Variants in ROR2 observed in about 807,000 individuals in gnomAD.
ROR2 encodes tyrosine-protein kinase transmembrane receptor ROR2.
ROR2 carries 33 observed loss-of-function variants against 74.9 expected under a neutral mutation model. That is an observed-to-expected ratio of 0.44 (90% CI 0.33 to 0.59). The LOEUF is 0.59. Among genes scored for constraint, ROR2 ranks in the 20% least tolerant of loss-of-function variants. The pLI, the probability that ROR2 is intolerant of heterozygous loss-of-function variation, is 0.02. For synonymous variants in ROR2, 586 were observed against 558.7 expected (o/e 1.05, Z -0.69); for missense variants, 1,216 against 1,313.8 (o/e 0.93, Z 1.15).
Position 91,950,181 on chromosome 9 carries a change from G to A in ROR2, c.-218C>T, listed in dbSNP as rs1832137998. Reference sequence around the variant, plus strand: ...GCTGGCTGGGGAGGTTCCTTGGCGCGGGCTGGGGCGTCCCGCCGGCCGCCA... The same window carrying A: ...GCTGGCTGGGGAGGTTCCTTGGCGCAGGCTGGGGCGTCCCGCCGGCCGCCA... On this transcript the variant is annotated 5_prime_UTR_variant, in exon 1 of 9. Coordinates refer to ENST00000375708, the MANE Select transcript of ROR2 (RefSeq NM_004560.4). 1 of 309,982 alleles carries A rather than the reference G, an allele frequency of 3.2e-6. No homozygotes were observed. The highest frequency in any genetic ancestry group is 1.3e-4 in the South Asian group (1 of 7,440). The allele number at this position is 309,982 out of a possible 1,614,324, so 19.2% of individuals were successfully genotyped here. A position where few individuals can be genotyped will look rare whatever the true frequency, so the allele number is the denominator to read the frequency against.
intron 4 of ROR2, among the ~76,000 whole-genome samples, chr9:91,747,869 C>T (rs547235382): frequency 1.3e-5 from 2 of 152,226 alleles, no homozygotes; most frequent in Admixed American, 1.3e-4. Context: ...AAAGGATGTC[C>T]TCGTGTGGAA....
intron 1 of ROR2, among the ~76,000 whole-genome samples, chr9:91,918,932 C>T (rs1831203034): frequency 6.6e-6 from 1 of 152,158 alleles, no homozygotes; most frequent in African/African-American, 2.4e-5. Flanking sequence ...CCCCCAACCC[C>T]TGTCCTTGTC....
intron 1 of ROR2, among the ~76,000 whole-genome samples, chr9:91,909,852 T>TG (rs1554691404): frequency 8.7e-4 from 97 of 111,502 alleles, no homozygotes; most frequent in African/African-American, 3.7e-3. Context: ...GTTTTGTTTT[T>TG]TTTTTTTTTT....
intron 1 of ROR2, among the ~76,000 whole-genome samples, chr9:91,891,856 T>A (rs142697293): frequency 1.4e-3 from 213 of 152,058 alleles, no homozygotes; most frequent in African/African-American, 4.9e-3. Context: ...AAGACCAGCC[T>A]GGCCAATATG....
At position 91,723,674 on chromosome 9, in the gene ROR2, C is replaced by G. The variant is rs113793278; in HGVS notation, c.2820G>C (p.Gln940His). 8.7e-6 allele frequency: 14 copies of G among 1,613,846 alleles called. No homozygotes were observed. The African/African-American group carries it at 1.1e-4, about 12-fold the overall frequency. The change falls in exon 9 of 9, where the codon CAG (glutamine) becomes CAC (histidine). Residue 940 changes from glutamine (Q) to histidine (H), a missense_variant. Gln to His is a conservative substitution (Grantham distance 24). Transcript: ENST00000375708. ...DTLQVDEAQV[Q>H]LEA Reference sequence around the variant, plus strand: ...GCCCTGGTGCCACTCAAGCTTCCAGCTGGACTTGGGCCTCGTCCACCTGCA... The same window carrying G: ...GCCCTGGTGCCACTCAAGCTTCCAGGTGGACTTGGGCCTCGTCCACCTGCA...
intron 1 of ROR2, among the ~76,000 whole-genome samples, chr9:91,848,621 G>A (rs948617048): frequency 3.3e-5 from 5 of 152,132 alleles, no homozygotes; most frequent in Non-Finnish European, 7.4e-5. Flanking sequence ...AGGTGTGGTG[G>A]TGCATGCCCA....
At chr9:91,818,431 A>C (rs1372501306) in intron 1 of ROR2, among the ~76,000 whole-genome samples, 2 of 150,644 alleles carry the variant, frequency 1.3e-5, no homozygotes, top group African/African-American at 2.4e-5. Flanking sequence ...CTCCACCACA[A>C]CCACCAACTC....
intron 1 of ROR2, among the ~76,000 whole-genome samples, chr9:91,834,075 A>G (rs969984317): frequency 1.1e-4 from 17 of 152,136 alleles, no homozygotes; most frequent in African/African-American, 3.6e-4. Flanking sequence ...CAGCTGACAA[A>G]TGGAAAGTAA....
At chr9:91,878,793 G>T (rs192068785) in intron 1 of ROR2, among the ~76,000 whole-genome samples, 1 of 152,268 alleles carries the variant, frequency 6.6e-6, no homozygotes, top group East Asian at 1.9e-4. Context: ...AAACAAAGAC[G>T]GGGGCCGGGC....
intron 1 of ROR2, among the ~76,000 whole-genome samples, chr9:91,926,137 T>C (rs1831389266): frequency 6.6e-6 from 1 of 151,700 alleles, no homozygotes; most frequent in South Asian, 2.1e-4. Context: ...ATCCCAGCAC[T>C]TTGGGAGGCC....
intron 1 of ROR2, among the ~76,000 whole-genome samples, chr9:91,901,581 T>C (rs1830677365): frequency 6.6e-6 from 1 of 152,086 alleles, no homozygotes; most frequent in Non-Finnish European, 1.5e-5. Flanking sequence ...TTCGGGAGGC[T>C]AAGGCAGGCG....
intron 1 of ROR2, among the ~76,000 whole-genome samples, chr9:91,919,463 A>T (rs190973141): frequency 3.9e-5 from 6 of 152,376 alleles, no homozygotes; most frequent in African/African-American, 1.4e-4. Context: ...GTCTCCGAGC[A>T]CTGGACCATC....
rs796976425 is a variant in ROR2, at chr9:91,734,375, C to T, written c.623-939G>A. ...ACCCAGCAGAGGCTGTGTCCTCCAG[C>T]GTGGCAGAAAACCCAGAAGCTGGCA... On this transcript the variant is annotated intron_variant, in intron 5 of 8. Coordinates refer to ENST00000375708, the MANE Select transcript of ROR2 (RefSeq NM_004560.4). Among the ~76,000 whole-genome samples, 12 of 152,306 alleles carry T rather than the reference C, an allele frequency of 7.9e-5. No homozygotes were observed. The East Asian group carries it at 1.5e-3, about 20-fold the overall frequency.
intron 1 of ROR2, among the ~76,000 whole-genome samples, chr9:91,841,057 T>C (rs1828768464): frequency 6.6e-6 from 1 of 152,232 alleles, no homozygotes; most frequent in Non-Finnish European, 1.5e-5. Context: ...AATCATAGAC[T>C]GAAACAGGCA....
intron 1 of ROR2, among the ~76,000 whole-genome samples, chr9:91,894,416 G>A (rs1371486527): frequency 6.6e-6 from 1 of 152,156 alleles, no homozygotes; most frequent in East Asian, 1.9e-4. Flanking sequence ...AACTTTAAGG[G>A]GAAGGGAGCA....
intron 1 of ROR2, among the ~76,000 whole-genome samples, chr9:91,782,285 A>G (rs1826644233): frequency 6.6e-6 from 1 of 152,188 alleles, no homozygotes; most frequent in Non-Finnish European, 1.5e-5. Flanking sequence ...GTATCTTTTC[A>G]TCTAGTTTCA....
chr9:91,829,572 A>AAAAAAAAAAAAAC (rs1828398366), intron 1 of ROR2, among the ~76,000 whole-genome samples: 2 of 151,220 alleles, frequency 1.3e-5, no homozygotes, highest in Admixed American at 6.6e-5. Flanking sequence ...AAAAAAAAAA[A>AAAAAAAAAAAAAC]AGCACACATC....
intron 2 of ROR2, among the ~76,000 whole-genome samples, chr9:91,768,792 G>A (rs1192262762): frequency 1.3e-5 from 2 of 152,174 alleles, no homozygotes; most frequent in African/African-American, 4.8e-5. Context: ...AACCAACGGT[G>A]CACACTTTGA....
intron 1 of ROR2, among the ~76,000 whole-genome samples, chr9:91,806,630 C>G (rs2119081406): frequency 6.6e-6 from 1 of 152,246 alleles, no homozygotes; most frequent in African/African-American, 2.4e-5. Flanking sequence ...CGCTCTGTCG[C>G]CCAGGCTGGA....
Sources: gnomAD v4.1 joint callset for allele counts (sites outside exome capture counted in the v4.1 genomes callset) on GRCh38, gnomAD v4.1.1 for gene constraint, MANE v1.5 for transcripts, NCBI Gene and HGNC (gene_info 2026-07-23, HGNC 2026-07-21) for gene names.